The following ABHD2 variants were observed in gnomAD, a reference collection of about 807,000 sequenced individuals.
ABHD2 encodes monoacylglycerol lipase ABHD2.
A neutral mutation model predicts 48.1 loss-of-function variants in ABHD2; 20 were observed. The ratio of observed to expected loss-of-function variants is 0.42; its 90% CI spans 0.29 to 0.60. The LOEUF is 0.60. ABHD2 is among the 20% of genes least tolerant of loss of function. The pLI is 0.24. For synonymous variants in ABHD2, 209 were observed against 214.2 expected, an observed-to-expected ratio of 0.98 and a Z score of 0.21; for missense variants, 405 against 550.9, an observed-to-expected ratio of 0.74 and a Z score of 2.65.
chr15:89,149,241 A>ACACACT (rs1372978469), intron 3 of ABHD2, among the ~76,000 whole-genome samples: 2 of 146,010 alleles, frequency 1.4e-5, no homozygotes, highest in South Asian at 4.4e-4. Context: ...ACACACACAC[A>ACACACT]CTCACACTGA....
chr15:89,048,957 C>T, the ABHD2 span, among the ~76,000 whole-genome samples: 15 of 150,158 alleles, frequency 1.0e-4, no homozygotes, highest in South Asian at 4.2e-4. Context: ...GGAGGTGAGG[C>T]GCTCTGCTTT....
At position 89,088,623 on chromosome 15, in the gene ABHD2, C is replaced by G. The variant is rs1901459485; in HGVS notation, c.-107+60C>G. 1 of 152,344 alleles carries G rather than the reference C, an allele frequency of 6.6e-6. No individual in the cohort carries two copies. Among genetic ancestry groups the G allele is most frequent in the African/African-American group, 2.4e-5 (1 of 41,478 alleles). The allele number at this position is 152,344 out of a possible 1,614,324, so 9.4% of individuals were successfully genotyped here. A position where few individuals can be genotyped will look rare whatever the true frequency, so the allele number is the denominator to read the frequency against. On this transcript the variant is annotated intron_variant, in intron 1 of 10. Transcript: ENST00000352732. The surrounding 1 kb of genome is among the most constrained non-coding windows in gnomAD (Gnocchi z 6.8). Reference sequence around the variant, plus strand: ...GGATCGCACCCCGGACCCGTCGAACCGAATCTCCGAGCCCCGAGGTCCCCG... The same window carrying G: ...GGATCGCACCCCGGACCCGTCGAACGGAATCTCCGAGCCCCGAGGTCCCCG...
intron 3 of ABHD2, among the ~76,000 whole-genome samples, chr15:89,138,136 G>A (rs571440804): frequency 6.6e-6 from 1 of 152,340 alleles, no homozygotes; most frequent in African/African-American, 2.4e-5. Flanking sequence ...GGAGGCTCTG[G>A]CAGTTCAGGA....
At chr15:89,077,659 T>C in the ABHD2 span, among the ~76,000 whole-genome samples, 1 of 152,210 alleles carries the variant, frequency 6.6e-6, no homozygotes, top group Non-Finnish European at 1.5e-5. Flanking sequence ...TTTAAAAAAA[T>C]CTAAAACTCT....
At chr15:89,169,592 C>T (rs757596674) in intron 5 of ABHD2, among the ~76,000 whole-genome samples, 1 of 152,076 alleles carries the variant, frequency 6.6e-6, no homozygotes, top group African/African-American at 2.4e-5. Context: ...CCTTAGGAAG[C>T]GGTGGAGAAG....
At chr15:89,054,814 A>G in the ABHD2 span, among the ~76,000 whole-genome samples, 1 of 152,196 alleles carries the variant, frequency 6.6e-6, no homozygotes, top group African/African-American at 2.4e-5. Context: ...GTAATACTAT[A>G]TGTACTGTTT....
chr15:89,180,796 C>G lies in ABHD2; in HGVS notation c.723-4628C>G, dbSNP rs541195242. Among the ~76,000 whole-genome samples the G allele has an allele frequency of 4.6e-5, 7 of 151,982 alleles. No individual in the cohort carries two copies. In the South Asian group the frequency reaches 1.5e-3, roughly 32 times the overall value. ...CTGCAGGATTACTCTCTTACAGTGC[C>G]CAAATTAGAAATAATCCACATGTCC... On this transcript the variant is annotated intron_variant, in intron 6 of 10. Coordinates refer to ENST00000352732, the MANE Select transcript of ABHD2 (RefSeq NM_152924.5).
intron 7 of ABHD2, among the ~76,000 whole-genome samples, chr15:89,187,790 C>G (rs2051236196): frequency 6.6e-6 from 1 of 152,216 alleles, no homozygotes; most frequent in South Asian, 2.1e-4. Flanking sequence ...CACACTGAGT[C>G]TTCCTTGTTA....
chr15:89,090,944 C>T (rs541573155), intron 1 of ABHD2, among the ~76,000 whole-genome samples: 4 of 152,338 alleles, frequency 2.6e-5, no homozygotes, highest in Admixed American at 1.3e-4. Context: ...ACCAGCAGCG[C>T]CTGCCTGGCC....
chr15:89,052,344 C>G, the ABHD2 span, among the ~76,000 whole-genome samples: 1 of 152,094 alleles, frequency 6.6e-6, no homozygotes, highest in Non-Finnish European at 1.5e-5. Flanking sequence ...TGTGTAATTA[C>G]ATATTAGAGT....
Position 89,152,626 on chromosome 15 carries a change from C to T in ABHD2, c.370+774C>T, listed in dbSNP as rs548903661. 3.9e-4 allele frequency among the ~76,000 whole-genome samples: 60 copies of T among 152,168 alleles called. No homozygotes were observed. In the South Asian group the frequency reaches 6.0e-3, roughly 15 times the overall value. ...AGCTCGGAGATGCAGTATAGGCTGGCGTTTGTTGGATAGCAGTAGATTAAA... is the reference window on the plus strand; with the variant it reads ...AGCTCGGAGATGCAGTATAGGCTGGTGTTTGTTGGATAGCAGTAGATTAAA... On this transcript the variant is annotated intron_variant, in intron 4 of 10. Transcript: ENST00000352732.
At position 89,120,346 on chromosome 15, in the gene ABHD2, G is replaced by A. The variant is rs1009165372; in HGVS notation, c.194+3825G>A. ...TTTACTTTTAGTGAAACAAGCAGAC[G>A]CCCAGTTCGGAATTATGACAAAAAT... On this transcript the variant is annotated intron_variant, in intron 3 of 10. Transcript: ENST00000352732. This position sits in a 1 kb window ranked among gnomAD's most constrained non-coding sequence, Gnocchi z 4.2. Among the ~76,000 whole-genome samples, 5 of 152,074 alleles carry A rather than the reference G, an allele frequency of 3.3e-5. No homozygotes were observed. Among genetic ancestry groups the A allele is most frequent in the African/African-American group, 1.2e-4 (5 of 41,464 alleles).
Position 89,137,146 on chromosome 15 carries a change from C to G in ABHD2, c.195-14531C>G, listed in dbSNP as rs546211098. On this transcript the variant is annotated intron_variant, in intron 3 of 10. Coordinates refer to ENST00000352732, the MANE Select transcript of ABHD2 (RefSeq NM_152924.5). The surrounding 1 kb of genome is among the most constrained non-coding windows in gnomAD (Gnocchi z 4.8). ...CAGGGTTCCAGTGGAACCCTGGAGA[C>G]TGGAACTCTGGAGCTTCTTAATAAA... Among the ~76,000 whole-genome samples, 1 of 152,108 alleles carries G rather than the reference C, an allele frequency of 6.6e-6. No homozygotes were observed. The highest frequency in any genetic ancestry group is 1.9e-4 in the East Asian group (1 of 5,170).
the ABHD2 span, among the ~76,000 whole-genome samples, chr15:89,048,630 C>G: frequency 6.6e-6 from 1 of 152,086 alleles, no homozygotes; most frequent in Non-Finnish European, 1.5e-5. Flanking sequence ...CTTCCCTTCT[C>G]TCTTCATTTC....
At chr15:89,138,748 C>T (rs1368061844) in intron 3 of ABHD2, among the ~76,000 whole-genome samples, 2 of 152,138 alleles carry the variant, frequency 1.3e-5, no homozygotes, top group Non-Finnish European at 2.9e-5. Flanking sequence ...AGAAAATAGG[C>T]ACAAAGCTGT....
rs549550467 is a variant in ABHD2 at position 89,167,244 on chromosome 15, T to C, written c.539-8568T>C. On this transcript the variant is annotated intron_variant, in intron 5 of 10. Transcript: ENST00000352732. The surrounding 1 kb of genome is among the most constrained non-coding windows in gnomAD (Gnocchi z 5.5). ...AAGCTTCTCATATCTACCATTTTCA[T>C]TGGTGTAGACTCAATTTTGAATTGT... 5.6e-4 allele frequency among the ~76,000 whole-genome samples: 86 copies of C among 152,346 alleles called. 1 individual carries two copies. The highest frequency in any genetic ancestry group is 1.7e-3 in the African/African-American group (72 of 41,578).
At position 89,175,587 on chromosome 15, in the gene ABHD2, T is replaced by C. The variant is rs1459471005; in HGVS notation, c.539-225T>C. Among the ~76,000 whole-genome samples, 1 of 152,182 alleles carries C rather than the reference T, an allele frequency of 6.6e-6. No individual in the cohort carries two copies. The highest frequency in any genetic ancestry group is 1.5e-5 in the Non-Finnish European group (1 of 68,018). ...CGCTTTGGCACTGCTGAGGCCCTGT[T>C]TCCTCTTATCCCAAGGGGCATCTGG... On this transcript the variant is annotated intron_variant, in intron 5 of 10. Transcript: ENST00000352732. The surrounding 1 kb of genome is among the most constrained non-coding windows in gnomAD (Gnocchi z 5.7).
At chr15:89,105,762 G>T (rs2049774733) in intron 1 of ABHD2, among the ~76,000 whole-genome samples, 1 of 152,200 alleles carries the variant, frequency 6.6e-6, no homozygotes, top group African/African-American at 2.4e-5. Context: ...TCAAAAATCA[G>T]TGTTTCTCAG....
At chr15:89,181,727 G>T (rs1262756041) in intron 6 of ABHD2, among the ~76,000 whole-genome samples, 3 of 152,176 alleles carry the variant, frequency 2.0e-5, no homozygotes, top group Non-Finnish European at 4.4e-5. Flanking sequence ...ATTCTCTTCT[G>T]ACTTTAATTC....
Sources: gnomAD v4.1 joint callset for allele counts (sites outside exome capture counted in the v4.1 genomes callset) on GRCh38, gnomAD v4.1.1 for gene constraint, Gnocchi (gnomAD v3.1) non-coding constraint, MANE v1.5 for transcripts, NCBI Gene and HGNC (gene_info 2026-07-23, HGNC 2026-07-21) for gene names.